SLC24A2: variants seen among roughly 807,000 people sequenced by gnomAD.
SLC24A2 encodes the protein sodium/potassium/calcium exchanger 2.
In SLC24A2, 36 loss-of-function variants were observed where a neutral mutation model predicts 62.0. The ratio of observed to expected loss-of-function variants is 0.58; its 90% CI spans 0.44 to 0.77. SLC24A2 has a LOEUF of 0.77. Ranked by LOEUF, SLC24A2 falls within the 30% of genes least tolerant of loss-of-function variation. The pLI is 0.00. For missense variants in SLC24A2, 846 were observed against 817.9 expected (o/e 1.03, Z -0.42); for synonymous variants, 358 against 294.0 (o/e 1.22, Z -2.23).
the SLC24A2 span, among the ~76,000 whole-genome samples, chr9:20,290,858 C>G: frequency 0.017 from 2,623 of 152,216 alleles, 76 homozygotes; most frequent in African/African-American, 0.058. Context: ...CAACCTTGTG[C>G]CCAGGAGGCA....
At chr9:19,552,232 C>G (rs1180707398) in intron 7 of SLC24A2, among the ~76,000 whole-genome samples, 2 of 152,202 alleles carry the variant, frequency 1.3e-5, no homozygotes, top group African/African-American at 4.8e-5. Context: ...CCACCTCTGT[C>G]TCTTCCTTGT....
chr9:19,535,113 T>C (rs1250840085), intron 8 of SLC24A2, among the ~76,000 whole-genome samples: 1 of 152,234 alleles, frequency 6.6e-6, no homozygotes, highest in African/African-American at 2.4e-5. Flanking sequence ...TGACCAGTGA[T>C]GATGAGCTTT....
intron 2 of SLC24A2, among the ~76,000 whole-genome samples, chr9:19,739,240 T>G (rs914585315): frequency 2.6e-5 from 4 of 152,232 alleles, no homozygotes; most frequent in Non-Finnish European, 5.9e-5. Flanking sequence ...AAAATGCTTA[T>G]GAACAGAGAT....
the SLC24A2 span, among the ~76,000 whole-genome samples, chr9:19,915,869 T>C: frequency 2.0e-5 from 3 of 152,076 alleles, no homozygotes; most frequent in African/African-American, 4.8e-5. Context: ...TTATATTCTC[T>C]GGGTCATCTT....
the SLC24A2 span, among the ~76,000 whole-genome samples, chr9:20,278,350 C>T: frequency 6.6e-6 from 1 of 152,118 alleles, no homozygotes; most frequent in Non-Finnish European, 1.5e-5. Context: ...GTTCCAACTC[C>T]AGACCAAATC....
intron 5 of SLC24A2, 130 bp from the exon 6 acceptor site, chr9:19,577,152 T>C: frequency 1.3e-6 from 1 of 776,670 alleles, no homozygotes; most frequent in Non-Finnish European, 2.3e-6. Flanking sequence ...CCAACCCCAA[T>C]GCACCAGGAC....
At chr9:19,641,334 T>C (rs1818487177) in intron 2 of SLC24A2, among the ~76,000 whole-genome samples, 1 of 152,216 alleles carries the variant, frequency 6.6e-6, no homozygotes, top group Non-Finnish European at 1.5e-5. Flanking sequence ...CAAACATGCA[T>C]ATCCAATTCC....
At chr9:20,145,133 T>C in the SLC24A2 span, among the ~76,000 whole-genome samples, 1 of 152,180 alleles carries the variant, frequency 6.6e-6, no homozygotes, top group Admixed American at 6.5e-5. Context: ...GGATTTCATA[T>C]GGAATAACTG....
At chr9:20,047,182 G>T in the SLC24A2 span, among the ~76,000 whole-genome samples, 1 of 152,074 alleles carries the variant, frequency 6.6e-6, no homozygotes, top group Non-Finnish European at 1.5e-5. Flanking sequence ...CAAGGGAACG[G>T]GCAACAGGAC....
chr9:20,235,235 C>G, the SLC24A2 span, among the ~76,000 whole-genome samples: 1 of 152,210 alleles, frequency 6.6e-6, no homozygotes. Flanking sequence ...CTGGGAGAAC[C>G]ATGCTCTCTT....
the SLC24A2 span, among the ~76,000 whole-genome samples, chr9:20,277,152 A>T: frequency 6.6e-6 from 1 of 152,236 alleles, no homozygotes; most frequent in Non-Finnish European, 1.5e-5. Context: ...AACCTAGGCA[A>T]TACCATTCAG....
chr9:19,919,868 C>G, the SLC24A2 span, among the ~76,000 whole-genome samples: 5 of 152,136 alleles, frequency 3.3e-5, no homozygotes, highest in Non-Finnish European at 7.3e-5. Flanking sequence ...TCAATTACCT[C>G]CCACCGGGTC....
At chr9:20,263,874 C>CA in the SLC24A2 span, among the ~76,000 whole-genome samples, 6 of 127,084 alleles carry the variant, frequency 4.7e-5, no homozygotes, top group Non-Finnish European at 8.4e-5. Context: ...CCCCCCCCCC[C>CA]ATTAAGGCTC....
At chr9:19,549,630 C>G (rs1194260501) in intron 8 of SLC24A2, among the ~76,000 whole-genome samples, 1 of 152,230 alleles carries the variant, frequency 6.6e-6, no homozygotes, top group East Asian at 1.9e-4. Context: ...ACCGTCCCAG[C>G]TGAGCCTAAC....
chr9:19,554,731 G>T (rs1252913183), intron 7 of SLC24A2, among the ~76,000 whole-genome samples: 2 of 152,134 alleles, frequency 1.3e-5, no homozygotes, highest in African/African-American at 4.8e-5. Context: ...TTTCTTGCTG[G>T]CTGGAGGGGA....
chr9:20,304,824 T>C, the SLC24A2 span, among the ~76,000 whole-genome samples: 16 of 151,818 alleles, frequency 1.1e-4, no homozygotes, highest in Non-Finnish European at 1.9e-4. Context: ...TCAGGGATAA[T>C]AAGCAGCAGA....
the SLC24A2 span, among the ~76,000 whole-genome samples, chr9:19,873,977 T>C: frequency 6.6e-6 from 1 of 152,094 alleles, no homozygotes; most frequent in East Asian, 1.9e-4. Context: ...TTTGAAGCCA[T>C]AAATCCCTTT....
chr9:19,595,810 G>C (rs1464302330), intron 5 of SLC24A2, among the ~76,000 whole-genome samples: 1 of 152,098 alleles, frequency 6.6e-6, no homozygotes, highest in Non-Finnish European at 1.5e-5. Flanking sequence ...AGAAAGTAAA[G>C]GGCTTGACAG....
chr9:19,985,788 C>G, the SLC24A2 span, among the ~76,000 whole-genome samples: 1 of 151,886 alleles, frequency 6.6e-6, no homozygotes, highest in Non-Finnish European at 1.5e-5. Context: ...AAAAGTGAAC[C>G]AATGACTTAA....
Sources: allele counts gnomAD v4.1 joint callset (sites outside exome capture counted in the v4.1 genomes callset), GRCh38; gene constraint gnomAD v4.1.1; transcripts MANE v1.5; gene names NCBI Gene and HGNC (gene_info 2026-07-23, HGNC 2026-07-21).